The following SURF4 variants were observed in gnomAD, a reference collection of about 807,000 sequenced individuals.
The protein encoded by SURF4 is surfeit locus protein 4.
A neutral mutation model predicts 30.0 loss-of-function variants in SURF4; 3 were observed. The ratio of observed to expected loss-of-function variants is 0.10; its 90% CI spans 0.05 to 0.26. The LOEUF (loss-of-function observed/expected upper bound fraction) is 0.26, where lower values mean the gene tolerates loss of function less well. Ranked by LOEUF, SURF4 falls within the 10% of genes least tolerant of loss-of-function variation. SURF4 has a pLI of 1.00. For missense variants in SURF4, 217 were observed against 350.8 expected (o/e 0.62, Z 3.05); for synonymous variants, 143 against 139.9 (o/e 1.02, Z -0.16).
At chr9:133,364,508 C>T (rs1335114204) in intron 5 of SURF4, among the ~76,000 whole-genome samples, 8 of 151,984 alleles carry the variant, frequency 5.3e-5, no homozygotes, top group Non-Finnish European at 1.2e-4. Context: ...CTGGCTAACA[C>T]GGTGAAACCC....
intron 5 of SURF4, among the ~76,000 whole-genome samples, chr9:133,364,364 T>C (rs2130101304): frequency 7.9e-5 from 12 of 152,166 alleles, no homozygotes; most frequent in East Asian, 5.8e-4. Flanking sequence ...ACACAAGAGA[T>C]TGACGATGTT....
chr9:133,372,803 C>G, intron 1 of SURF4: 2 of 223,308 alleles, frequency 9.0e-6, no homozygotes, highest in South Asian at 1.6e-4. Context: ...AAAGCCCCAC[C>G]TGGGCTTGGT....
Position 133,373,043 on chromosome 9 carries a change from G to A in SURF4, c.48+2879C>T, listed in dbSNP as rs1837599223. On this transcript the variant is annotated intron_variant, in intron 1 of 5. Transcript: ENST00000371989. ...ACAGATATGGTGCCTTACAGATATG[G>A]TCCTAACCCACTTGGGTTTTGTATG... is the stretch of plus-strand genomic sequence containing the variant. Among the ~76,000 whole-genome samples the A allele has an allele frequency of 5.9e-5, 9 of 152,318 alleles. No homozygotes were observed. The South Asian group carries it at 1.9e-3, about 32-fold the overall frequency.
chr9:133,367,494 C>A (rs1837248455), intron 1 of SURF4, 49 bp from the exon 2 acceptor site: 1 of 1,605,966 alleles, frequency 6.2e-7, no homozygotes, highest in East Asian at 2.2e-5. Flanking sequence ...GCGGGGAGCA[C>A]CAGGCCGCTG....
chr9:133,363,649 A>G lies in SURF4; in HGVS notation c.654T>C (p.Tyr218=). ...CTGGAATGGTCCAGAAGGCGTTGAAATATACGTTGATGGCAAAGAGCCACA... is the reference window on the plus strand; with the variant it reads ...CTGGAATGGTCCAGAAGGCGTTGAAGTATACGTTGATGGCAAAGAGCCACA... ...LVVWLFAINV[Y]FNAFWTIPVY... is the part of the protein sequence containing the mutation. The change falls in exon 6 of 6, where the codon TAT becomes TAC. Residue 218 remains tyrosine (Y), a synonymous_variant. Transcript: ENST00000371989. The surrounding 1 kb of genome is among the most constrained non-coding windows in gnomAD (Gnocchi z 4.3). 2 of 1,614,246 alleles carry G rather than the reference A, an allele frequency of 1.2e-6. No individual in the cohort carries two copies. Among genetic ancestry groups the G allele is most frequent in the South Asian group, 1.1e-5 (1 of 91,084 alleles).
chr9:133,365,966 C>T lies in SURF4; in HGVS notation c.356+19G>A. 6.2e-7 allele frequency: 1 copy of T among 1,613,448 alleles called. No individual in the cohort carries two copies. Among genetic ancestry groups the T allele is most frequent in the South Asian group, 1.1e-5 (1 of 91,062 alleles). ...CCTGTAGAAGGAGCGTATACTAAAA[C>T]CAACCAGAATGCACATACCTCATCA... On this transcript the variant is annotated intron_variant, in intron 4 of 5. Transcript: ENST00000371989.
At chr9:133,367,622 C>G (rs2130147257) in intron 1 of SURF4, 177 bp from the exon 2 acceptor site, 1 of 1,469,736 alleles carries the variant, frequency 6.8e-7, no homozygotes, top group Admixed American at 2.2e-5. Context: ...TGCTCCTGAG[C>G]GCTACCCTGT....
chr9:133,372,647 T>C, intron 1 of SURF4: 1 of 985,432 alleles, frequency 1.0e-6, no homozygotes, highest in Non-Finnish European at 1.2e-6. Flanking sequence ...AGTTTTGCTC[T>C]TGTTTTCTGA....
In SURF4 at chr9:133,362,970, A is replaced by G. The variant is rs943732755; in HGVS notation, c.*523T>C. On this transcript the variant is annotated 3_prime_UTR_variant, in exon 6 of 6. Coordinates refer to ENST00000371989, the MANE Select transcript of SURF4 (RefSeq NM_033161.4). ...TAAATGTTTTCACTATTCCTATAAA[A>G]TACAATGCGGGGCAGAAACAACATC... is the stretch of plus-strand genomic sequence containing the variant. 1 of 216,492 alleles carries G rather than the reference A, an allele frequency of 4.6e-6. No individual in the cohort carries two copies. The highest frequency in any genetic ancestry group is 2.3e-5 in the African/African-American group (1 of 42,720). The allele number at this position is 216,492 out of a possible 1,614,324, so 13.4% of individuals were successfully genotyped here.
intron 1 of SURF4, among the ~76,000 whole-genome samples, chr9:133,368,278 A>G (rs1458613287): frequency 6.6e-6 from 1 of 152,212 alleles, no homozygotes; most frequent in African/African-American, 2.4e-5. Context: ...TGCCACACCT[A>G]GAGGGCCACA....
chr9:133,373,211 C>T (rs1478414723), intron 1 of SURF4, among the ~76,000 whole-genome samples: 1 of 152,204 alleles, frequency 6.6e-6, no homozygotes, highest in Non-Finnish European at 1.5e-5. Flanking sequence ...CAGGTTTGGC[C>T]TCCCCTCAGT....
At chr9:133,371,973 A>G (rs2130193463) in intron 1 of SURF4, among the ~76,000 whole-genome samples, 3 of 152,274 alleles carry the variant, frequency 2.0e-5, no homozygotes, top group Non-Finnish European at 2.9e-5. Context: ...GCCACCAGGC[A>G]GAACCCATTA....
chr9:133,369,471 T>C lies in SURF4; in HGVS notation c.49-2026A>G, dbSNP rs1377275803. 2.0e-5 allele frequency among the ~76,000 whole-genome samples: 3 copies of C among 152,186 alleles called. No homozygotes were observed. In the East Asian group the frequency reaches 5.8e-4, roughly 29 times the overall value. The stretch of plus-strand genomic sequence containing the variant: ...TGAGGCCACCTGAACTAATGGTTGG[T>C]AAGATGCTTTCCAACTTTACTAGGA... On this transcript the variant is annotated intron_variant, in intron 1 of 5. Transcript: ENST00000371989.
At chr9:133,370,126 T>C (rs1837416037) in intron 1 of SURF4, among the ~76,000 whole-genome samples, 1 of 152,226 alleles carries the variant, frequency 6.6e-6, no homozygotes, top group South Asian at 2.1e-4. Context: ...AGGACCTGCA[T>C]TTAACATGCT....
intron 1 of SURF4, among the ~76,000 whole-genome samples, chr9:133,373,634 A>G (rs936629168): frequency 2.0e-5 from 3 of 151,326 alleles, no homozygotes; most frequent in Non-Finnish European, 4.4e-5. Flanking sequence ...ACATGAAGAA[A>G]AGGCAGGGCA....
upstream of SURF4, chr9:133,376,180 G>A (rs1360937095): frequency 4.0e-6 from 5 of 1,242,072 alleles, no homozygotes; most frequent in Non-Finnish European, 5.0e-6. Flanking sequence ...GGGGCCACGC[G>A]CCATCCCCAG....
intron 1 of SURF4, among the ~76,000 whole-genome samples, chr9:133,371,834 T>A (rs1442288465): frequency 6.6e-6 from 1 of 152,136 alleles, no homozygotes; most frequent in Non-Finnish European, 1.5e-5. Flanking sequence ...CCCCAGCACT[T>A]CAACTAGGGC....
rs1306171331 is a variant in SURF4 at position 133,366,508 on chromosome 9, G to C, written c.312+91C>G. On this transcript the variant is annotated intron_variant, in intron 3 of 5. Coordinates refer to ENST00000371989, the MANE Select transcript of SURF4 (RefSeq NM_033161.4). Reference sequence around the variant, plus strand: ...CAGAGACATGCAGGGGGCTGAAGGGGGAGTGACACTGAACCCTCAAGGATG... The same window carrying C: ...CAGAGACATGCAGGGGGCTGAAGGGCGAGTGACACTGAACCCTCAAGGATG... The C allele has an allele frequency of 4.3e-6, 6 of 1,384,384 alleles. No homozygotes were observed. In the African/African-American group the frequency reaches 7.1e-5, roughly 16 times the overall value. 85.8% of individuals were successfully genotyped at this position (1,384,384 alleles called of 1,614,324 possible). A position where few individuals can be genotyped will look rare whatever the true frequency, so the allele number is the denominator to read the frequency against.
intron 1 of SURF4, among the ~76,000 whole-genome samples, chr9:133,368,778 T>C (rs1837331433): frequency 1.3e-5 from 2 of 152,244 alleles, no homozygotes; most frequent in East Asian, 1.9e-4. Context: ...TTATCACCCA[T>C]GCAAAACTGA....
Sources: allele counts gnomAD v4.1 joint callset (sites outside exome capture counted in the v4.1 genomes callset), GRCh38; gene constraint gnomAD v4.1.1; non-coding constraint Gnocchi (gnomAD v3.1); transcripts MANE v1.5; gene names NCBI Gene and HGNC (gene_info 2026-07-23, HGNC 2026-07-21).